The following IL6ST variants were observed in gnomAD, a reference collection of about 807,000 sequenced individuals.
IL6ST encodes interleukin 6 cytokine family signal transducer.
A neutral mutation model predicts 91.3 loss-of-function variants in IL6ST; 24 were observed. The observed-to-expected ratio is 0.26, with a 90% CI of 0.19 to 0.37. The LOEUF is 0.37. Among genes scored for constraint, IL6ST ranks in the 10% least tolerant of loss-of-function variants. The pLI is 1.00. For missense variants in IL6ST, 914 were observed against 1,078.5 expected (o/e 0.85, Z 2.14); for synonymous variants, 351 against 373.6 (o/e 0.94, Z 0.70).
chr5:55,967,918 T>A (rs558614175), intron 5 of IL6ST, among the ~76,000 whole-genome samples: 1 of 152,132 alleles, frequency 6.6e-6, no homozygotes, highest in Non-Finnish European at 1.5e-5. Flanking sequence ...TGCCTCAACC[T>A]CCGAGTCACT....
At chr5:55,965,585 A>ACTC (rs774314160) in intron 5 of IL6ST, among the ~76,000 whole-genome samples, 29 of 152,138 alleles carry the variant, frequency 1.9e-4, no homozygotes, top group Non-Finnish European at 7.3e-5. Context: ...ACTAAATGAA[A>ACTC]CCAGAGAGTT....
chr5:55,976,088 T>G, intron 3 of IL6ST, 127 bp downstream of exon 3: 1 of 429,058 alleles, frequency 2.3e-6, no homozygotes, highest in Non-Finnish European at 4.1e-6. Flanking sequence ...TAAGATATTA[T>G]TCTCTCGATT....
At chr5:55,954,178 C>T (rs1235551964) in intron 11 of IL6ST, among the ~76,000 whole-genome samples, 1 of 152,186 alleles carries the variant, frequency 6.6e-6, no homozygotes, top group Non-Finnish European at 1.5e-5. Flanking sequence ...AGGAATCTCT[C>T]TGCTTAGGGC....
chr5:55,942,198 G>A (rs529072934), intron 16 of IL6ST, among the ~76,000 whole-genome samples: 7 of 152,256 alleles, frequency 4.6e-5, no homozygotes, highest in South Asian at 2.1e-4. Flanking sequence ...AAGGACTACC[G>A]GAGGATAATA....
In IL6ST at chr5:55,938,704, C is replaced by A. The variant is rs1274133648; in HGVS notation, c.*2378G>T. On this transcript the variant is annotated 3_prime_UTR_variant, in exon 17 of 17. Coordinates refer to ENST00000381298, the MANE Select transcript of IL6ST (RefSeq NM_002184.4). ...CTAAAGTACAATTTACATGCATCAA[C>A]ACATAGATTATTCTAAGACATGCTT... is the stretch of plus-strand genomic sequence containing the variant. 5.0e-6 allele frequency: 1 copy of A among 199,702 alleles called. No homozygotes were observed. The highest frequency in any genetic ancestry group is 1.7e-3 in the Middle Eastern group (1 of 604). 12.4% of individuals were successfully genotyped at this position (199,702 alleles called of 1,614,324 possible). A position where few individuals can be genotyped will look rare whatever the true frequency, so the allele number is the denominator to read the frequency against.
chr5:55,967,776 ATTCT>A (rs888290136), intron 5 of IL6ST, among the ~76,000 whole-genome samples: 2 of 151,960 alleles, frequency 1.3e-5, no homozygotes, highest in African/African-American at 4.8e-5. Flanking sequence ...GTATTCTACT[ATTCT>A]TTCTACTTTT....
Position 55,941,502 on chromosome 5 carries a change from T to C in IL6ST, c.2337A>G (p.Arg779=), listed in dbSNP as rs1750911727. The C allele has an allele frequency of 8.7e-6, 14 of 1,614,028 alleles. No homozygotes were observed. The highest frequency in any genetic ancestry group is 1.2e-5 in the Non-Finnish European group (14 of 1,180,014). Residue 779 remains arginine, a synonymous_variant, in exon 17 of 17, where the codon AGA becomes AGG. Coordinates refer to ENST00000381298, the MANE Select transcript of IL6ST (RefSeq NM_002184.4). Reference sequence around the variant, plus strand: ...CTAACAAGGGCTGGGTAGACTCGGATCTTGAGAAGACTTGGACTGACGGAA... The same window carrying C: ...CTAACAAGGGCTGGGTAGACTCGGACCTTGAGAAGACTTGGACTGACGGAA... ...HQVPSVQVFS[R]SESTQPLLDS...
chr5:55,956,128 T>C lies in IL6ST; in HGVS notation c.1164A>G (p.Thr388=). ...QNYTVNATKL[T]VNLTNDRYLA... ...GATAGCGATCATTTGTGAGATTTAC[T>C]GTCAGTTTTGTGGCATTAACTGTGT... Residue 388 remains threonine, a synonymous_variant, in exon 10 of 17, where the codon ACA becomes ACG. Coordinates refer to ENST00000381298, the MANE Select transcript of IL6ST (RefSeq NM_002184.4). The C allele has an allele frequency of 6.2e-7, 1 of 1,611,400 alleles. No individual in the cohort carries two copies. Among genetic ancestry groups the C allele is most frequent in the South Asian group, 1.1e-5 (1 of 91,040 alleles).
At chr5:55,986,429 C>G (rs1321332067) in intron 1 of IL6ST, among the ~76,000 whole-genome samples, 2 of 152,160 alleles carry the variant, frequency 1.3e-5, no homozygotes, top group Non-Finnish European at 2.9e-5. Flanking sequence ...GACATATCCT[C>G]TCCCATTCTT....
Position 55,960,553 on chromosome 5 carries a change from A to G in IL6ST, c.822T>C (p.Pro274=), listed in dbSNP as rs147042260. ...KDASTWSQIP[P]EDTASTRSSF... Reference sequence around the variant, plus strand: ...AAGATCGGGTGGATGCTGTGTCTTCAGGAGGAATCTGAAACAAAGCAAACC... The same window carrying G: ...AAGATCGGGTGGATGCTGTGTCTTCGGGAGGAATCTGAAACAAAGCAAACC... The change falls in exon 8 of 17, where the codon CCT becomes CCC. Residue 274 remains proline (P), a synonymous_variant. Transcript: ENST00000381298. 5.4e-4 allele frequency: 876 copies of G among 1,610,928 alleles called. 2 individuals carry two copies. The Middle Eastern group carries it at 0.012, about 23-fold the overall frequency.
chr5:55,989,955 A>AG (rs1754216069), intron 1 of IL6ST, among the ~76,000 whole-genome samples: 1 of 149,900 alleles, frequency 6.7e-6, no homozygotes, highest in African/African-American at 2.4e-5. Flanking sequence ...ACTTTGCACT[A>AG]GGGGGTGGGG....
At chr5:55,979,081 A>G (rs539019374) in intron 2 of IL6ST, among the ~76,000 whole-genome samples, 4 of 152,160 alleles carry the variant, frequency 2.6e-5, no homozygotes, top group Non-Finnish European at 5.9e-5. Context: ...TGAATCTCAT[A>G]TATAATACAG....
chr5:55,960,688 T>A, intron 7 of IL6ST, 127 bp from the exon 8 acceptor site: 1 of 761,566 alleles, frequency 1.3e-6, no homozygotes, highest in Non-Finnish European at 2.0e-6. Flanking sequence ...AGTGCAGTGG[T>A]GCGATCTTGG....
In IL6ST at chr5:55,939,931, CTGTTT is replaced by C. The variant is rs1750777922; in HGVS notation, c.*1146_*1150del. On this transcript the variant is annotated 3_prime_UTR_variant, in exon 17 of 17. Coordinates refer to ENST00000381298, the MANE Select transcript of IL6ST (RefSeq NM_002184.4). ...AACAAGATGTACATTTTTTGGGGTT[CTGTTT>C]TGTTTTGGCAAATATTGCCCAAGTT... 4.9e-6 allele frequency: 1 copy of C among 205,154 alleles called. No homozygotes were observed. The allele number at this position is 205,154 out of a possible 1,614,324, so 12.7% of individuals were successfully genotyped here. A position where few individuals can be genotyped will look rare whatever the true frequency, so the allele number is the denominator to read the frequency against.
chr5:55,946,136 T>C (rs1751236219), intron 15 of IL6ST, among the ~76,000 whole-genome samples: 1 of 152,058 alleles, frequency 6.6e-6, no homozygotes, highest in Admixed American at 6.5e-5. Context: ...AAGTGACACA[T>C]GAAAAGATCC....
intron 7 of IL6ST, among the ~76,000 whole-genome samples, 195 bp downstream of exon 7, chr5:55,963,157 T>C (rs1752423084): frequency 6.6e-6 from 1 of 152,084 alleles, no homozygotes; most frequent in East Asian, 1.9e-4. Context: ...AAGGCTACTG[T>C]ATTTAGCAAA....
chr5:55,961,340 A>G (rs1752302992), intron 7 of IL6ST, among the ~76,000 whole-genome samples: 2 of 152,174 alleles, frequency 1.3e-5, no homozygotes, highest in South Asian at 4.1e-4. Flanking sequence ...TAGACAGTGC[A>G]GTTAGTACTC....
chr5:55,951,299 G>A (rs1382447483), intron 14 of IL6ST, among the ~76,000 whole-genome samples, 165 bp downstream of exon 14: 3 of 152,220 alleles, frequency 2.0e-5, no homozygotes, highest in Non-Finnish European at 2.9e-5. Context: ...CCAAAAAGGT[G>A]AGGAATAACA....
intron 3 of IL6ST, among the ~76,000 whole-genome samples, chr5:55,970,470 C>A (rs974630788): frequency 6.6e-6 from 1 of 151,974 alleles, no homozygotes; most frequent in Admixed American, 6.6e-5. Flanking sequence ...GAGGATCGCT[C>A]GAGCTCAGGA....
Sources: gnomAD v4.1 joint callset for allele counts (sites outside exome capture counted in the v4.1 genomes callset) on GRCh38, gnomAD v4.1.1 for gene constraint, MANE v1.5 for transcripts, NCBI Gene and HGNC (gene_info 2026-07-23, HGNC 2026-07-21) for gene names.